UCK2: variants seen among roughly 807,000 people sequenced by gnomAD.
UCK2 encodes the protein cytidine monophosphokinase 2.
UCK2 carries 6 observed loss-of-function variants against 30.8 expected under a neutral mutation model. That is an observed-to-expected ratio of 0.19 (90% CI 0.11 to 0.38). The LOEUF (loss-of-function observed/expected upper bound fraction) is 0.38, where lower values mean the gene tolerates loss of function less well. Ranked by LOEUF, UCK2 falls within the 10% of genes least tolerant of loss-of-function variation. UCK2 has a pLI of 1.00. For missense variants in UCK2, 210 were observed against 339.8 expected, an observed-to-expected ratio of 0.62 and a Z score of 3.00; for synonymous variants, 125 against 133.6, an observed-to-expected ratio of 0.94 and a Z score of 0.45.
rs534327043 is a variant in UCK2 at position 165,873,822 on chromosome 1, T to C, written c.100-16382T>C. 7.2e-5 allele frequency among the ~76,000 whole-genome samples: 11 copies of C among 152,092 alleles called. 1 individual carries two copies. In the South Asian group the frequency reaches 2.3e-3, roughly 32 times the overall value. ...CTTACTTCCTATTTCTTTCAAACCATTCTCCCTCCCTCCCTCCTGCCTAAA... is the reference window on the plus strand; with the variant it reads ...CTTACTTCCTATTTCTTTCAAACCACTCTCCCTCCCTCCCTCCTGCCTAAA... On this transcript the variant is annotated intron_variant, in intron 1 of 6. Transcript: ENST00000367879.
intron 1 of UCK2, among the ~76,000 whole-genome samples, chr1:165,883,495 A>C (rs1013121213): frequency 2.0e-5 from 3 of 152,198 alleles, no homozygotes; most frequent in Non-Finnish European, 2.9e-5. Context: ...CTGAGAATAA[A>C]AACTTAGTCA....
intron 1 of UCK2, among the ~76,000 whole-genome samples, chr1:165,853,770 C>A (rs1473112553): frequency 1.3e-5 from 2 of 152,172 alleles, no homozygotes; most frequent in Non-Finnish European, 2.9e-5. Flanking sequence ...ATTCTTATCT[C>A]TGTGCTGTAA....
At chr1:165,894,787 G>A (rs561447039) in intron 3 of UCK2, among the ~76,000 whole-genome samples, 107 of 152,176 alleles carry the variant, frequency 7.0e-4, no homozygotes, top group Middle Eastern at 3.4e-3. Flanking sequence ...GTGTTTATGG[G>A]AAGGAGTTCC....
intron 1 of UCK2, among the ~76,000 whole-genome samples, chr1:165,865,349 G>A (rs1655022296): frequency 6.6e-6 from 1 of 152,170 alleles, no homozygotes; most frequent in Non-Finnish European, 1.5e-5. Context: ...AGCACTGTGA[G>A]TAGTTTCCCA....
chr1:165,842,019 CT>C (rs1473281011), intron 1 of UCK2, among the ~76,000 whole-genome samples: 2 of 152,192 alleles, frequency 1.3e-5, no homozygotes, highest in Non-Finnish European at 2.9e-5. Context: ...TAAAGCTTTT[CT>C]TGCTAAAGTC....
intron 4 of UCK2, chr1:165,902,962 T>TTG: frequency 2.6e-6 from 1 of 390,706 alleles, no homozygotes; most frequent in Non-Finnish European, 4.6e-6. Context: ...TCAAAGAGCA[T>TTG]TGTGTCATTG....
chr1:165,898,043 C>G (rs530857637), intron 4 of UCK2: 5 of 152,130 alleles, frequency 3.3e-5, no homozygotes, highest in African/African-American at 7.2e-5. Context: ...ATAATTGAAC[C>G]CTGAGCCTGA....
chr1:165,853,654 T>C (rs4657481), intron 1 of UCK2, among the ~76,000 whole-genome samples: 70,063 of 151,984 alleles, frequency 0.46, 17,738 homozygotes, highest in Non-Finnish European at 0.57. Flanking sequence ...AGTGTTCCTC[T>C]TTCCATCCTT....
intron 3 of UCK2, among the ~76,000 whole-genome samples, chr1:165,891,950 A>G (rs1655780051): frequency 6.6e-6 from 1 of 151,818 alleles, no homozygotes; most frequent in Non-Finnish European, 1.5e-5. Context: ...GCCAGACCCC[A>G]GGCTCCTTCA....
intron 6 of UCK2, among the ~76,000 whole-genome samples, chr1:165,907,343 T>G (rs1281369157): frequency 6.6e-6 from 1 of 152,212 alleles, no homozygotes; most frequent in African/African-American, 2.4e-5. Context: ...CTAATTGACG[T>G]GTCAGAACCA....
rs771789054 is a variant in UCK2, at chr1:165,890,311, C to T, written c.207C>T (p.Thr69=). The part of the protein sequence containing the change: ...LSQDSFYRVL[T]SEQKAKALKG... The stretch of plus-strand genomic sequence containing the variant: ...AGGATAGCTTCTACCGTGTCCTTAC[C>T]TCGGAGCAGAAGGCCAAAGCCCTGA... Residue 69 remains threonine (T), a synonymous_variant, in exon 2 of 7, where the codon ACC becomes ACT. Coordinates refer to ENST00000367879, the MANE Select transcript of UCK2 (RefSeq NM_012474.5). 1 of 1,613,968 alleles carries T rather than the reference C, an allele frequency of 6.2e-7. No individual in the cohort carries two copies.
intron 1 of UCK2, among the ~76,000 whole-genome samples, chr1:165,867,902 T>G (rs571163497): frequency 1.3e-5 from 2 of 152,366 alleles, no homozygotes; most frequent in East Asian, 3.9e-4. Context: ...TAGAAGGTTT[T>G]CAGTTTACTT....
chr1:165,874,418 T>C (rs1209357304), intron 1 of UCK2, among the ~76,000 whole-genome samples: 1 of 152,218 alleles, frequency 6.6e-6, no homozygotes, highest in Non-Finnish European at 1.5e-5. Context: ...GCAGCGGGCT[T>C]GGCAGGAAGC....
At chr1:165,840,103 G>C (rs909914908) in intron 1 of UCK2, among the ~76,000 whole-genome samples, 2 of 152,166 alleles carry the variant, frequency 1.3e-5, no homozygotes, top group East Asian at 3.9e-4. Context: ...ATTTTTAGTA[G>C]AGGCGGGGTT....
At chr1:165,907,519 G>T (rs1369277805) in intron 6 of UCK2, among the ~76,000 whole-genome samples, 165 bp from the exon 7 acceptor site, 1 of 152,184 alleles carries the variant, frequency 6.6e-6, no homozygotes. Flanking sequence ...ATTAGCTCAG[G>T]CAGAGCCACT....
intron 4 of UCK2, among the ~76,000 whole-genome samples, chr1:165,902,204 C>G (rs913157309): frequency 3.3e-5 from 5 of 152,086 alleles, no homozygotes; most frequent in Non-Finnish European, 7.4e-5. Flanking sequence ...CCACTGCACT[C>G]CAGCCTGGGT....
chr1:165,901,279 G>A (rs542233533), intron 4 of UCK2, among the ~76,000 whole-genome samples: 2 of 152,292 alleles, frequency 1.3e-5, no homozygotes, highest in African/African-American at 2.4e-5. Context: ...AAAACACTTC[G>A]TAAATCGAGG....
chr1:165,843,025 C>T (rs1654368542), intron 1 of UCK2, among the ~76,000 whole-genome samples: 1 of 152,186 alleles, frequency 6.6e-6, no homozygotes, highest in Non-Finnish European at 1.5e-5. Flanking sequence ...CTTGAGCTGT[C>T]ACTTCCCCTA....
At chr1:165,888,061 T>A (rs1460201537) in intron 1 of UCK2, among the ~76,000 whole-genome samples, 3 of 152,238 alleles carry the variant, frequency 2.0e-5, no homozygotes, top group Non-Finnish European at 1.5e-5. Context: ...GGACGTATTT[T>A]GCAGAGCTGT....
Sources: allele counts gnomAD v4.1 joint callset (sites outside exome capture counted in the v4.1 genomes callset), GRCh38; gene constraint gnomAD v4.1.1; transcripts MANE v1.5; gene names NCBI Gene and HGNC (gene_info 2026-07-23, HGNC 2026-07-21).